GALNT11: variants seen among roughly 807,000 people sequenced by gnomAD.
GALNT11 encodes polypeptide N-acetylgalactosaminyltransferase 11.
In GALNT11, 47 loss-of-function variants were observed where a neutral mutation model predicts 72.7. That is an observed-to-expected ratio of 0.65 (90% confidence interval 0.51 to 0.82). GALNT11 has a LOEUF of 0.82. GALNT11 is among the 40% of genes least tolerant of loss of function. The probability of loss-of-function intolerance (pLI) is 0.00; values close to 1 mark genes in which losing one functional copy is unlikely to be tolerated. For missense variants in GALNT11, 677 were observed against 778.4 expected, an observed-to-expected ratio of 0.87 and a Z score of 1.55; for synonymous variants, 270 against 286.6, an observed-to-expected ratio of 0.94 and a Z score of 0.58.
chr7:152,062,017 C>T (rs532234608), intron 1 of GALNT11, among the ~76,000 whole-genome samples: 12 of 152,276 alleles, frequency 7.9e-5, no homozygotes, highest in South Asian at 4.1e-4. Flanking sequence ...TGAAGAAAGT[C>T]ATTGGTAGCT....
chr7:152,046,124 A>T (rs908450946), intron 1 of GALNT11, among the ~76,000 whole-genome samples: 3 of 151,974 alleles, frequency 2.0e-5, no homozygotes, highest in Non-Finnish European at 4.4e-5. Flanking sequence ...AATTGATTCT[A>T]GTTTTATTCT....
chr7:152,091,781 AG>A (rs1241520990), intron 1 of GALNT11, among the ~76,000 whole-genome samples: 2 of 152,180 alleles, frequency 1.3e-5, no homozygotes, highest in African/African-American at 4.8e-5. Flanking sequence ...ATTTAGGTAA[AG>A]GTGACAGCAG....
chr7:152,107,970 TGGAC>T, intron 5 of GALNT11, 64 bp from the exon 6 acceptor site: 1 of 1,540,052 alleles, frequency 6.5e-7, no homozygotes. Flanking sequence ...GTCATCCCAT[TGGAC>T]GGGTGGTTGT....
At chr7:152,079,021 C>CG (rs1473635431) in intron 1 of GALNT11, among the ~76,000 whole-genome samples, 1 of 152,190 alleles carries the variant, frequency 6.6e-6, no homozygotes, top group Non-Finnish European at 1.5e-5. Flanking sequence ...ATGACTCTCA[C>CG]GGATGAATGG....
At chr7:152,048,178 G>C (rs2083234031) in intron 1 of GALNT11, among the ~76,000 whole-genome samples, 1 of 151,964 alleles carries the variant, frequency 6.6e-6, no homozygotes, top group Admixed American at 6.5e-5. Flanking sequence ...GCGGGATATA[G>C]TATTCTAAGA....
chr7:152,088,513 A>AG (rs2085797947), intron 1 of GALNT11, among the ~76,000 whole-genome samples: 1 of 146,386 alleles, frequency 6.8e-6, no homozygotes, highest in Non-Finnish European at 1.5e-5. Context: ...GGTTGGTTTC[A>AG]GGGTTTTTTT....
At chr7:152,116,916 C>G (rs1344235950) in intron 8 of GALNT11, 2 of 645,508 alleles carry the variant, frequency 3.1e-6, no homozygotes. Context: ...ACAGCCCACA[C>G]ACGCAGACCC....
At chr7:152,067,880 C>T (rs764691642) in intron 1 of GALNT11, among the ~76,000 whole-genome samples, 3 of 151,970 alleles carry the variant, frequency 2.0e-5, no homozygotes, top group African/African-American at 7.3e-5. Context: ...AGGAAGGCCT[C>T]GGGAAGCATC....
chr7:152,118,582 G>T, intron 9 of GALNT11, 96 bp from the exon 10 acceptor site: 1 of 1,005,634 alleles, frequency 9.9e-7, no homozygotes, highest in East Asian at 2.6e-5. Flanking sequence ...TCGTACCTCC[G>T]GAATAACCTT....
chr7:152,053,525 A>G (rs2083497846), intron 1 of GALNT11, among the ~76,000 whole-genome samples: 1 of 152,198 alleles, frequency 6.6e-6, no homozygotes, highest in Admixed American at 6.5e-5. Context: ...TCCTCATTCC[A>G]TATAGTTTGC....
intron 2 of GALNT11, among the ~76,000 whole-genome samples, chr7:152,098,429 A>AAAAT (rs563974599): frequency 5.6e-4 from 85 of 152,058 alleles, no homozygotes; most frequent in Middle Eastern, 3.4e-3. Context: ...TGTCTCAAAA[A>AAAAT]AAATAAATAA....
At chr7:152,060,477 T>C (rs1157275051) in intron 1 of GALNT11, among the ~76,000 whole-genome samples, 2 of 152,266 alleles carry the variant, frequency 1.3e-5, no homozygotes, top group East Asian at 1.9e-4. Context: ...TGGTAGTTTT[T>C]TTTTTTATAT....
At chr7:152,076,969 A>G (rs1251766030) in intron 1 of GALNT11, among the ~76,000 whole-genome samples, 1 of 152,206 alleles carries the variant, frequency 6.6e-6, no homozygotes, top group Non-Finnish European at 1.5e-5. Context: ...GCTCATGCCT[A>G]TAATCCCAAT....
chr7:152,083,047 C>T (rs2085411075), intron 1 of GALNT11, among the ~76,000 whole-genome samples: 1 of 152,172 alleles, frequency 6.6e-6, no homozygotes, highest in South Asian at 2.1e-4. Context: ...GTGGTAATTA[C>T]ATAGCAATAG....
chr7:152,089,667 G>A (rs1370018082), intron 1 of GALNT11, among the ~76,000 whole-genome samples: 2 of 152,232 alleles, frequency 1.3e-5, no homozygotes, highest in East Asian at 3.8e-4. Context: ...GTGCCCGTGA[G>A]CATGTCCAGC....
At chr7:152,114,364 A>T (rs76738538) in intron 8 of GALNT11, among the ~76,000 whole-genome samples, 4,799 of 152,096 alleles carry the variant, frequency 0.032, 247 homozygotes, top group African/African-American at 0.11. Flanking sequence ...CCTTTTCTGG[A>T]TATTTCCTAC....
intron 1 of GALNT11, among the ~76,000 whole-genome samples, chr7:152,068,562 T>A (rs2084448968): frequency 1.3e-5 from 2 of 152,234 alleles, no homozygotes; most frequent in African/African-American, 4.8e-5. Flanking sequence ...ATAGAGTTAT[T>A]TGTAATATTT....
chr7:152,121,840 T>C lies in GALNT11; in HGVS notation c.*163T>C. On this transcript the variant is annotated 3_prime_UTR_variant, in exon 12 of 12. Coordinates refer to ENST00000430044, the MANE Select transcript of GALNT11 (RefSeq NM_022087.4). Reference sequence around the variant, plus strand: ...TGGGTGTGTTAGCAGAGGTGACACGTGTCTGACAGAGACGGGAGCTCTGAG... The same window carrying C: ...TGGGTGTGTTAGCAGAGGTGACACGCGTCTGACAGAGACGGGAGCTCTGAG... 1 of 808,446 alleles carries C rather than the reference T, an allele frequency of 1.2e-6. No individual in the cohort carries two copies. The highest frequency in any genetic ancestry group is 3.3e-5 in the Admixed American group (1 of 30,660). The allele number at this position is 808,446 out of a possible 1,614,324, so 50.1% of individuals were successfully genotyped here.
chr7:152,061,592 G>T (rs2128999293), intron 1 of GALNT11, among the ~76,000 whole-genome samples: 1 of 152,288 alleles, frequency 6.6e-6, no homozygotes, highest in South Asian at 2.1e-4. Context: ...TTCTTCTAGG[G>T]TTTTTATGGT....
Sources: allele counts gnomAD v4.1 joint callset (sites outside exome capture counted in the v4.1 genomes callset), GRCh38; gene constraint gnomAD v4.1.1; transcripts MANE v1.5; gene names NCBI Gene and HGNC (gene_info 2026-07-23, HGNC 2026-07-21).